The following ZCCHC17 variants were observed in gnomAD, a reference collection of about 807,000 sequenced individuals.
The protein encoded by ZCCHC17 is zinc finger CCHC domain-containing protein 17.
Under a neutral mutation model 30.6 loss-of-function variants are expected in ZCCHC17, and 18 were observed. That is an observed-to-expected ratio of 0.59 (90% CI 0.41 to 0.87). The LOEUF (loss-of-function observed/expected upper bound fraction) is 0.87. Among genes scored for constraint, ZCCHC17 ranks in the 40% least tolerant of loss-of-function variants. ZCCHC17 has a pLI of 0.00. For synonymous variants in ZCCHC17, 88 were observed against 92.4 expected, an observed-to-expected ratio of 0.95 and a Z score of 0.27; for missense variants, 263 against 284.2, an observed-to-expected ratio of 0.93 and a Z score of 0.54.
chr1:31,354,316 T>C (rs1639567703), intron 7 of ZCCHC17, among the ~76,000 whole-genome samples: 1 of 152,238 alleles, frequency 6.6e-6, no homozygotes, highest in African/African-American at 2.4e-5. Context: ...CACTTACTCG[T>C]TCTAACAGGA....
intron 7 of ZCCHC17, among the ~76,000 whole-genome samples, chr1:31,356,493 T>A (rs1639647836): frequency 6.6e-6 from 1 of 152,210 alleles, no homozygotes; most frequent in South Asian, 2.1e-4. Context: ...CTTTTACAAA[T>A]AATGCCTGGT....
chr1:31,298,884 T>G (rs1454456250), intron 1 of ZCCHC17, among the ~76,000 whole-genome samples: 1 of 152,142 alleles, frequency 6.6e-6, no homozygotes, highest in Non-Finnish European at 1.5e-5. Context: ...GTTCCAACAT[T>G]TAATGGTGAA....
chr1:31,354,067 T>A (rs911632669), intron 7 of ZCCHC17, among the ~76,000 whole-genome samples: 8 of 152,368 alleles, frequency 5.3e-5, no homozygotes, highest in South Asian at 4.1e-4. Context: ...GTATTAAATC[T>A]TCCAATCCAT....
chr1:31,318,242 T>G (rs955897973), intron 2 of ZCCHC17: 9 of 1,526,490 alleles, frequency 5.9e-6, no homozygotes, highest in Non-Finnish European at 6.1e-6. Context: ...TTTATGTATG[T>G]AAGATTATAT....
At chr1:31,318,345 A>AG (rs1646784395) in intron 2 of ZCCHC17, 13 of 870,854 alleles carry the variant, frequency 1.5e-5, no homozygotes, top group Admixed American at 2.6e-5. Context: ...GGTAGGCTAC[A>AG]GGGGGAAGAG....
intron 5 of ZCCHC17, 183 bp from the exon 6 acceptor site, chr1:31,346,457 G>A (rs950652745): frequency 1.8e-5 from 10 of 551,056 alleles, no homozygotes; most frequent in African/African-American, 5.7e-5. Context: ...AGTCTCATTC[G>A]TAATTGTTAA....
Position 31,349,660 on chromosome 1 carries a change from G to GAT in ZCCHC17, c.564+694_564+695dup, listed in dbSNP as rs555367321. 2.0e-3 allele frequency among the ~76,000 whole-genome samples: 305 copies of GAT among 152,194 alleles called. 1 individual carries two copies. The highest frequency in any genetic ancestry group is 6.8e-3 in the Middle Eastern group (2 of 294). On this transcript the variant is annotated intron_variant, in intron 7 of 7. Coordinates refer to ENST00000344147, the MANE Select transcript of ZCCHC17 (RefSeq NM_016505.4). ...TTTTTTCTAGGTAATAATAAATACA[G>GAT]ATATATATAGCTACACATACATGTA...
At chr1:31,341,912 A>G (rs557978224) in intron 5 of ZCCHC17, among the ~76,000 whole-genome samples, 1 of 152,300 alleles carries the variant, frequency 6.6e-6, no homozygotes, top group South Asian at 2.1e-4. Context: ...CTGAGATTAT[A>G]GCACCTTTTC....
chr1:31,328,022 G>A (rs1461981520), intron 3 of ZCCHC17, among the ~76,000 whole-genome samples: 2 of 151,798 alleles, frequency 1.3e-5, no homozygotes, highest in Admixed American at 6.6e-5. Context: ...GAAAGAAAAC[G>A]TAATCCTGTC....
At chr1:31,298,377 G>GTTTT (rs59616986) in intron 1 of ZCCHC17, among the ~76,000 whole-genome samples, 2 of 145,706 alleles carry the variant, frequency 1.4e-5, no homozygotes, top group African/African-American at 5.2e-5. Flanking sequence ...TTAGAGACCA[G>GTTTT]TTTTTTTTTG....
chr1:31,320,117 G>A (rs1038468259), intron 3 of ZCCHC17, among the ~76,000 whole-genome samples: 3 of 152,046 alleles, frequency 2.0e-5, no homozygotes, highest in African/African-American at 4.8e-5. Flanking sequence ...CTCATTCTCC[G>A]TATGACTAAA....
rs71569979 is a variant in ZCCHC17, at chr1:31,343,846, AT to A, written c.318-2769del. On this transcript the variant is annotated intron_variant, in intron 5 of 7. Coordinates refer to ENST00000344147, the MANE Select transcript of ZCCHC17 (RefSeq NM_016505.4). ...AGGTCCATGCCAGCATGCCCCACTAATTTTTTTTTTTTTTTTTTTTTTTTTG... is the reference window on the plus strand; with the variant it reads ...AGGTCCATGCCAGCATGCCCCACTAATTTTTTTTTTTTTTTTTTTTTTTTG... 9.8e-3 allele frequency among the ~76,000 whole-genome samples: 794 copies of A among 80,740 alleles called. 2 individuals are homozygous for A. Among genetic ancestry groups the A allele is most frequent in the Non-Finnish European group, 0.014 (652 of 45,344 alleles). The allele number at this position is 80,740 out of a possible 152,430, so 53.0% of individuals were successfully genotyped here.
chr1:31,346,413 T>G (rs1337371413), intron 5 of ZCCHC17, among the ~76,000 whole-genome samples: 1 of 152,152 alleles, frequency 6.6e-6, no homozygotes, highest in African/African-American at 2.4e-5. Flanking sequence ...TAATTATATA[T>G]TTTCATCCTC....
chr1:31,347,155 T>C (rs1639305469), intron 6 of ZCCHC17, among the ~76,000 whole-genome samples: 1 of 152,248 alleles, frequency 6.6e-6, no homozygotes, highest in South Asian at 2.1e-4. Context: ...TTTATCTCTT[T>C]AATGTCAGAG....
chr1:31,359,911 A>C (rs1439110899), intron 7 of ZCCHC17, among the ~76,000 whole-genome samples: 1 of 152,038 alleles, frequency 6.6e-6, no homozygotes, highest in Middle Eastern at 3.2e-3. Flanking sequence ...TTGAGAGAGC[A>C]GAAGCTTGGT....
Position 31,301,416 on chromosome 1 carries a change from A to G in ZCCHC17, c.-56+4341A>G, listed in dbSNP as rs564065606. Among the ~76,000 whole-genome samples, 7 of 152,360 alleles carry G rather than the reference A, an allele frequency of 4.6e-5. No homozygotes were observed. The South Asian group carries it at 1.2e-3, about 27-fold the overall frequency. On this transcript the variant is annotated intron_variant, in intron 1 of 7. Coordinates refer to ENST00000344147, the MANE Select transcript of ZCCHC17 (RefSeq NM_016505.4). ...CTTCTCTTGTGTCCTCATTTTTAAA[A>G]TGGCAATGATAATTGCCTGTTTTAT...
At chr1:31,330,125 C>T (rs951341430) in intron 3 of ZCCHC17, among the ~76,000 whole-genome samples, 14 of 152,192 alleles carry the variant, frequency 9.2e-5, no homozygotes, top group African/African-American at 3.1e-4. Flanking sequence ...TTGGCTGCAG[C>T]TGTCCTCTAA....
At chr1:31,329,760 G>A (rs1205963603) in intron 3 of ZCCHC17, among the ~76,000 whole-genome samples, 1 of 152,168 alleles carries the variant, frequency 6.6e-6, no homozygotes, top group African/African-American at 2.4e-5. Context: ...ATGAATTATA[G>A]CCTCAGTTCT....
At chr1:31,316,347 C>A (rs751825789) in intron 2 of ZCCHC17, among the ~76,000 whole-genome samples, 6 of 152,196 alleles carry the variant, frequency 3.9e-5, no homozygotes, top group Non-Finnish European at 5.9e-5. Context: ...AGTGATCCAC[C>A]TGCCTCAGCC....
Sources: allele counts gnomAD v4.1 joint callset (sites outside exome capture counted in the v4.1 genomes callset), GRCh38; gene constraint gnomAD v4.1.1; transcripts MANE v1.5; gene names NCBI Gene and HGNC (gene_info 2026-07-23, HGNC 2026-07-21).